KCND3: variants seen among roughly 807,000 people sequenced by gnomAD.
KCND3 encodes the protein potassium voltage-gated channel subfamily D member 3.
A neutral mutation model predicts 51.1 loss-of-function variants in KCND3; 9 were observed. The ratio of observed to expected loss-of-function variants is 0.18; its 90% confidence interval spans 0.11 to 0.31. The LOEUF (loss-of-function observed/expected upper bound fraction) is 0.31. Ranked by LOEUF, KCND3 falls within the 10% of genes least tolerant of loss-of-function variation. KCND3 has a pLI of 1.00. For missense variants in KCND3, 526 were observed against 903.8 expected, an observed-to-expected ratio of 0.58 and a Z score of 5.36; for synonymous variants, 349 against 368.0, an observed-to-expected ratio of 0.95 and a Z score of 0.59.
chr1:111,903,680 CACTG>C (rs1038986974), intron 2 of KCND3, among the ~76,000 whole-genome samples: 1 of 152,244 alleles, frequency 6.6e-6, no homozygotes, highest in Non-Finnish European at 1.5e-5. Flanking sequence ...ATACTCCCCA[CACTG>C]ACTGGCTGGG....
At chr1:111,900,062 T>C (rs564162852) in intron 2 of KCND3, among the ~76,000 whole-genome samples, 19 of 152,270 alleles carry the variant, frequency 1.2e-4, no homozygotes, top group South Asian at 8.3e-4. Context: ...TACTGTGTCT[T>C]GCCTGGGACC....
chr1:111,855,413 C>G (rs1254979364), intron 2 of KCND3, among the ~76,000 whole-genome samples: 3 of 152,218 alleles, frequency 2.0e-5, no homozygotes, highest in Non-Finnish European at 4.4e-5. Flanking sequence ...CAGGGTGACT[C>G]TGATCACCAG....
At chr1:111,910,548 G>T (rs1670889862) in intron 2 of KCND3, among the ~76,000 whole-genome samples, 2 of 152,158 alleles carry the variant, frequency 1.3e-5, no homozygotes, top group Admixed American at 6.5e-5. Flanking sequence ...TTAGTCCCTG[G>T]GGAGATACTC....
chr1:111,818,564 A>G (rs765696569), intron 2 of KCND3, among the ~76,000 whole-genome samples: 8 of 152,200 alleles, frequency 5.3e-5, no homozygotes, highest in Admixed American at 1.3e-4. Context: ...GCTTTTCTGC[A>G]TTCCCTTAGA....
At chr1:111,783,249 G>A (rs961668223) in intron 3 of KCND3, among the ~76,000 whole-genome samples, 1 of 150,350 alleles carries the variant, frequency 6.7e-6, no homozygotes, top group Non-Finnish European at 1.5e-5. Flanking sequence ...GACTTATCCA[G>A]GGAAAGGCAG....
chr1:111,989,017 C>CG (rs1306164260), intron 1 of KCND3: 4 of 152,202 alleles, frequency 2.6e-5, no homozygotes, highest in Admixed American at 6.5e-5. Context: ...CCAGAGCTCG[C>CG]GGGGTGGAAG....
intron 2 of KCND3, among the ~76,000 whole-genome samples, chr1:111,811,828 C>A (rs143746769): frequency 1.8e-4 from 28 of 152,318 alleles, no homozygotes; most frequent in African/African-American, 5.5e-4. Context: ...GTATCATTAG[C>A]ATTTTTCTTT....
At chr1:111,935,338 C>T (rs1010161960) in intron 2 of KCND3, among the ~76,000 whole-genome samples, 4 of 152,166 alleles carry the variant, frequency 2.6e-5, no homozygotes, top group African/African-American at 9.7e-5. Context: ...TTTTAGAGCC[C>T]ACTCTCTTGG....
chr1:111,786,467 C>G (rs1664607105), intron 3 of KCND3, among the ~76,000 whole-genome samples: 1 of 152,218 alleles, frequency 6.6e-6, no homozygotes. Flanking sequence ...ATTCCTAAAG[C>G]CTGTTGTGCC....
At chr1:111,832,203 C>T (rs1041090156) in intron 2 of KCND3, among the ~76,000 whole-genome samples, 1 of 152,166 alleles carries the variant, frequency 6.6e-6, no homozygotes, top group Non-Finnish European at 1.5e-5. Context: ...GATCAAGAAG[C>T]CAATGACAAG....
chr1:111,798,047 C>T (rs1247647207), intron 2 of KCND3, among the ~76,000 whole-genome samples: 1 of 152,164 alleles, frequency 6.6e-6, no homozygotes, highest in Admixed American at 6.5e-5. Flanking sequence ...CTTATTGTAC[C>T]TATTCGTCCT....
At chr1:111,788,849 T>C (rs1474198387) in intron 2 of KCND3, among the ~76,000 whole-genome samples, 1 of 152,164 alleles carries the variant, frequency 6.6e-6, no homozygotes, top group East Asian at 1.9e-4. Context: ...ATGAAGATAA[T>C]AACAGTAACC....
chr1:111,866,274 T>TA (rs1557986953), intron 2 of KCND3, among the ~76,000 whole-genome samples: 10 of 148,358 alleles, frequency 6.7e-5, no homozygotes, highest in East Asian at 2.0e-4. Flanking sequence ...TTTTTTTTTT[T>TA]TTTTTTGACA....
At chr1:111,904,288 T>G (rs1670535803) in intron 2 of KCND3, among the ~76,000 whole-genome samples, 1 of 152,014 alleles carries the variant, frequency 6.6e-6, no homozygotes, top group Admixed American at 6.5e-5. Context: ...CCCCCTATTT[T>G]GATGATCCTG....
At chr1:111,777,896 G>A (rs1447352575) in intron 6 of KCND3, among the ~76,000 whole-genome samples, 1 of 152,210 alleles carries the variant, frequency 6.6e-6, no homozygotes, top group Admixed American at 6.5e-5. Flanking sequence ...TAGGTCAAGT[G>A]TAAGCATGGG....
intron 2 of KCND3, among the ~76,000 whole-genome samples, chr1:111,919,013 G>A (rs930092691): frequency 1.3e-5 from 2 of 151,802 alleles, no homozygotes; most frequent in Admixed American, 6.6e-5. Flanking sequence ...CACATGAGAG[G>A]ACCTGGTGCT....
At chr1:111,867,730 G>T (rs543114999) in intron 2 of KCND3, among the ~76,000 whole-genome samples, 1 of 152,222 alleles carries the variant, frequency 6.6e-6, no homozygotes, top group African/African-American at 2.4e-5. Flanking sequence ...TCCAAGGAAA[G>T]CATGGCAGGC....
intron 2 of KCND3, among the ~76,000 whole-genome samples, chr1:111,926,556 G>A (rs894872021): frequency 3.9e-5 from 6 of 152,274 alleles, no homozygotes; most frequent in Non-Finnish European, 7.3e-5. Flanking sequence ...GGTGGTGGCA[G>A]GGAGGGGCTT....
At chr1:111,983,326 G>T (rs114831337) in intron 1 of KCND3, among the ~76,000 whole-genome samples, 2,963 of 152,230 alleles carry the variant, frequency 0.019, 51 homozygotes, top group Non-Finnish European at 0.028. Flanking sequence ...AGAGGCTGGG[G>T]CTGCCCAAGT....
Sources: gnomAD v4.1 joint callset for allele counts (sites outside exome capture counted in the v4.1 genomes callset) on GRCh38, gnomAD v4.1.1 for gene constraint, MANE v1.5 for transcripts, NCBI Gene and HGNC (gene_info 2026-07-23, HGNC 2026-07-21) for gene names.